SPTLC2: variants seen among roughly 807,000 people sequenced by gnomAD.
SPTLC2 encodes serine palmitoyltransferase 2.
Under a neutral mutation model 62.0 loss-of-function variants are expected in SPTLC2, and 21 were observed. The ratio of observed to expected loss-of-function variants is 0.34; its 90% CI spans 0.24 to 0.49. SPTLC2 has a LOEUF of 0.49. Ranked by LOEUF, SPTLC2 falls within the 20% of genes least tolerant of loss-of-function variation. The pLI is 0.99. For missense variants in SPTLC2, 511 were observed against 713.0 expected, an observed-to-expected ratio of 0.72 and a Z score of 3.23; for synonymous variants, 261 against 261.8, an observed-to-expected ratio of 1.00 and a Z score of 0.03.
intron 11 of SPTLC2, among the ~76,000 whole-genome samples, chr14:77,517,788 A>G (rs1198234862): frequency 1.3e-5 from 2 of 152,210 alleles, no homozygotes; most frequent in East Asian, 1.9e-4. Context: ...GAGTGGAAAG[A>G]GAATTGTAGA....
At chr14:77,559,542 A>C (rs946849711) in intron 6 of SPTLC2, among the ~76,000 whole-genome samples, 2 of 152,206 alleles carry the variant, frequency 1.3e-5, no homozygotes, top group Non-Finnish European at 2.9e-5. Flanking sequence ...TGTGGCAACA[A>C]AAACATTTTC....
chr14:77,566,473 G>T (rs575508593), intron 5 of SPTLC2, among the ~76,000 whole-genome samples: 13 of 152,316 alleles, frequency 8.5e-5, no homozygotes, highest in African/African-American at 3.1e-4. Flanking sequence ...CACAAGCACA[G>T]TAACAAAATA....
chr14:77,607,804 G>A (rs1190574645), intron 1 of SPTLC2, among the ~76,000 whole-genome samples: 1 of 152,180 alleles, frequency 6.6e-6, no homozygotes, highest in Non-Finnish European at 1.5e-5. Context: ...TAGTTGTCCT[G>A]GAAATAACCT....
intron 9 of SPTLC2, among the ~76,000 whole-genome samples, chr14:77,532,614 C>T (rs1208501930): frequency 6.6e-6 from 1 of 151,864 alleles, no homozygotes; most frequent in African/African-American, 2.4e-5. Flanking sequence ...GAAAGCCCAT[C>T]TCTGCTAAAA....
In SPTLC2 at chr14:77,615,315, C is replaced by T. The variant is rs575828775; in HGVS notation, c.132+1133G>A. Among the ~76,000 whole-genome samples the T allele has an allele frequency of 1.3e-3, 200 of 152,358 alleles. 1 individual carries two copies. Among genetic ancestry groups the T allele is most frequent in the Non-Finnish European group, 2.4e-3 (162 of 68,036 alleles). ...CTCAGTCTCAATATCTCAACATGAC[C>T]TGGAAAAATGCTTTATTTTCTGCTT... On this transcript the variant is annotated intron_variant, in intron 1 of 11. Transcript: ENST00000216484.
chr14:77,557,122 A>C lies in SPTLC2; in HGVS notation c.875T>G (p.Leu292Trp). 6.2e-7 allele frequency: 1 copy of C among 1,613,744 alleles called. No homozygotes were observed. Among genetic ancestry groups the C allele is most frequent in the Non-Finnish European group, 8.5e-7 (1 of 1,180,018 alleles). The change falls in exon 7 of 12, where the codon TTG becomes TGG. Residue 292 changes from leucine to tryptophan, a missense_variant. Leu to Trp is a moderately conservative substitution (Grantham distance 61). Transcript: ENST00000216484. Reference protein sequence around the residue: ...HNNMQSLEKLLKDAIVYGQPR... With the variant: ...HNNMQSLEKLWKDAIVYGQPR... ...CTGACCATAAACAATGGCATCTTTCAATAGCTTCTCTAGGCTTTGCATATC... is the reference window on the plus strand; with the variant it reads ...CTGACCATAAACAATGGCATCTTTCCATAGCTTCTCTAGGCTTTGCATATC...
At chr14:77,537,154 G>C (rs1296312470) in intron 9 of SPTLC2, among the ~76,000 whole-genome samples, 1 of 151,862 alleles carries the variant, frequency 6.6e-6, no homozygotes, top group Non-Finnish European at 1.5e-5. Context: ...TCCTGACCTC[G>C]TGATCTACCC....
At chr14:77,526,162 A>G (rs2079408224) in intron 9 of SPTLC2, among the ~76,000 whole-genome samples, 1 of 152,216 alleles carries the variant, frequency 6.6e-6, no homozygotes, top group East Asian at 1.9e-4. Flanking sequence ...ACTGAATCTT[A>G]ACAGACAACA....
intron 1 of SPTLC2, among the ~76,000 whole-genome samples, chr14:77,611,801 G>C (rs2079939515): frequency 6.6e-6 from 1 of 151,518 alleles, no homozygotes; most frequent in Non-Finnish European, 1.5e-5. Context: ...ACTCCAGCCT[G>C]GGCGACAGAG....
At chr14:77,592,300 A>G (rs2079822279) in intron 2 of SPTLC2, among the ~76,000 whole-genome samples, 1 of 151,606 alleles carries the variant, frequency 6.6e-6, no homozygotes, top group Admixed American at 6.6e-5. Flanking sequence ...ACGCCTGGCT[A>G]ATTTTTGTAT....
chr14:77,534,121 G>A lies in SPTLC2; in HGVS notation c.1304-12540C>T, dbSNP rs368522465. Among the ~76,000 whole-genome samples the A allele has an allele frequency of 7.9e-4, 120 of 151,398 alleles. 1 individual carries two copies. The highest frequency in any genetic ancestry group is 2.5e-3 in the African/African-American group (105 of 41,212). ...TGCAGTGAGCTGAGAGCATGCCGCC[G>A]CACTACAGCCTGGACAACAGAATGA... On this transcript the variant is annotated intron_variant, in intron 9 of 11. Coordinates refer to ENST00000216484, the MANE Select transcript of SPTLC2 (RefSeq NM_004863.4).
At chr14:77,579,223 T>G (rs1479926582) in intron 2 of SPTLC2, 114 bp from the exon 3 acceptor site, 1 of 1,045,094 alleles carries the variant, frequency 9.6e-7, no homozygotes, top group Non-Finnish European at 1.4e-6. Flanking sequence ...AAGGGCAATT[T>G]CATTACGTGC....
At chr14:77,565,486 C>T (rs2079640065) in intron 5 of SPTLC2, among the ~76,000 whole-genome samples, 1 of 152,114 alleles carries the variant, frequency 6.6e-6, no homozygotes, top group South Asian at 2.1e-4. Flanking sequence ...TGTATCAAAA[C>T]CACATAGTCT....
chr14:77,592,518 T>A (rs373801808), intron 2 of SPTLC2, among the ~76,000 whole-genome samples: 6 of 152,216 alleles, frequency 3.9e-5, no homozygotes, highest in Non-Finnish European at 8.8e-5. Flanking sequence ...CTTTCTTTTG[T>A]ATCTTGAAAA....
chr14:77,589,681 T>C (rs1241559379), intron 2 of SPTLC2, among the ~76,000 whole-genome samples: 4 of 151,864 alleles, frequency 2.6e-5, no homozygotes, highest in African/African-American at 9.7e-5. Context: ...TCCCAGCTAC[T>C]TGGGAGACTG....
intron 9 of SPTLC2, among the ~76,000 whole-genome samples, chr14:77,528,874 C>T (rs757578189): frequency 1.2e-3 from 178 of 152,150 alleles, no homozygotes; most frequent in Non-Finnish European, 2.2e-3. Flanking sequence ...TCACTCTTGT[C>T]GCCCAGGCTG....
chr14:77,533,881 G>T (rs1249863638), intron 9 of SPTLC2, among the ~76,000 whole-genome samples: 1 of 152,120 alleles, frequency 6.6e-6, no homozygotes, highest in African/African-American at 2.4e-5. Context: ...ATATGGGCTG[G>T]GCGCAGTGGC....
In SPTLC2 at chr14:77,511,523, G is replaced by A. The variant is rs943684525; in HGVS notation, c.*761C>T. On this transcript the variant is annotated 3_prime_UTR_variant, in exon 12 of 12. Transcript: ENST00000216484. The stretch of plus-strand genomic sequence containing the variant: ...GTGGGATATGGGTGCTCTGAAAACA[G>A]TAAGTGCTTTAAAAAGGGGGTGGGA... The A allele has an allele frequency of 1.3e-5, 2 of 153,162 alleles. No homozygotes were observed. Among genetic ancestry groups the A allele is most frequent in the Non-Finnish European group, 2.9e-5 (2 of 68,794 alleles). The allele number at this position is 153,162 out of a possible 1,614,324, so 9.5% of individuals were successfully genotyped here.
chr14:77,533,300 CAAAAAAAA>C (rs35192294), intron 9 of SPTLC2, among the ~76,000 whole-genome samples: 2 of 98,464 alleles, frequency 2.0e-5, no homozygotes, highest in Admixed American at 1.1e-4. Flanking sequence ...AACTCCGTTG[CAAAAAAAA>C]AAAAAAAAAA....
Sources: allele counts gnomAD v4.1 joint callset (sites outside exome capture counted in the v4.1 genomes callset), GRCh38; gene constraint gnomAD v4.1.1; transcripts MANE v1.5; gene names NCBI Gene and HGNC (gene_info 2026-07-23, HGNC 2026-07-21).